NALF1: variants seen among roughly 807,000 people sequenced by gnomAD.
NALF1 encodes the protein family with sequence similarity 155 member A.
In NALF1, 3 loss-of-function variants were observed where a neutral mutation model predicts 48.4. The observed-to-expected ratio is 0.06, with a 90% CI of 0.03 to 0.16. NALF1 has a LOEUF of 0.16. NALF1 is among the 10% of genes least tolerant of loss of function. The pLI, the probability that NALF1 is intolerant of heterozygous loss-of-function variation, is 1.00. For missense variants in NALF1, 526 were observed against 571.5 expected, an observed-to-expected ratio of 0.92 and a Z score of 0.81; for synonymous variants, 262 against 245.7, an observed-to-expected ratio of 1.07 and a Z score of -0.62.
intron 1 of NALF1, among the ~76,000 whole-genome samples, chr13:107,603,490 A>G (rs1004879142): frequency 6.6e-6 from 1 of 152,214 alleles, no homozygotes; most frequent in Admixed American, 6.5e-5. Flanking sequence ...ACAGTCTAAA[A>G]TTAGTGATAC....
chr13:107,290,273 T>C (rs1346230677), intron 1 of NALF1, among the ~76,000 whole-genome samples: 1 of 152,058 alleles, frequency 6.6e-6, no homozygotes, highest in Non-Finnish European at 1.5e-5. Flanking sequence ...TGACAGTGAT[T>C]TTAGTAACCT....
chr13:107,625,380 A>G (rs1435661057), intron 1 of NALF1, among the ~76,000 whole-genome samples: 4 of 152,114 alleles, frequency 2.6e-5, no homozygotes, highest in Admixed American at 2.0e-4. Flanking sequence ...ACCTACTACA[A>G]ATTATTAGCT....
At chr13:107,599,308 G>T (rs1878852170) in intron 1 of NALF1, among the ~76,000 whole-genome samples, 1 of 151,938 alleles carries the variant, frequency 6.6e-6, no homozygotes, top group South Asian at 2.1e-4. Flanking sequence ...TGTAGTCCCA[G>T]CTACTCGGGA....
rs555098171 is a variant in NALF1, at chr13:107,553,061, A to G, written c.915+312621T>C. On this transcript the variant is annotated intron_variant, in intron 1 of 2. Transcript: ENST00000375915. ...AGGCTCAGCTCTCATAAATATAAAT[A>G]GATGAATCTTCAATATCATCAATAT... 1.4e-3 allele frequency among the ~76,000 whole-genome samples: 207 copies of G among 152,310 alleles called. 4 individuals carry two copies. The highest frequency in any genetic ancestry group is 4.6e-3 in the African/African-American group (192 of 41,574).
intron 1 of NALF1, among the ~76,000 whole-genome samples, chr13:107,655,291 T>C (rs1206840732): frequency 2.6e-5 from 4 of 151,968 alleles, no homozygotes; most frequent in African/African-American, 2.4e-5. Context: ...GGTAAATGAA[T>C]TCAGATTCAG....
intron 1 of NALF1, among the ~76,000 whole-genome samples, chr13:107,444,472 A>C (rs1884615602): frequency 6.6e-6 from 1 of 152,000 alleles, no homozygotes; most frequent in Non-Finnish European, 1.5e-5. Flanking sequence ...TTATTTTCTC[A>C]TATCTTAGTA....
At chr13:107,619,822 G>C (rs1351704205) in intron 1 of NALF1, among the ~76,000 whole-genome samples, 1 of 152,044 alleles carries the variant, frequency 6.6e-6, no homozygotes, top group Admixed American at 6.5e-5. Context: ...AGACCCTCAG[G>C]TAACCATGTC....
chr13:107,715,174 A>C (rs1460019706), intron 1 of NALF1, among the ~76,000 whole-genome samples: 2 of 151,862 alleles, frequency 1.3e-5, no homozygotes, highest in Non-Finnish European at 2.9e-5. Flanking sequence ...ATTGTAAAAT[A>C]TTTTTATAAT....
chr13:107,810,139 G>C (rs886550716), intron 1 of NALF1, among the ~76,000 whole-genome samples: 3 of 151,828 alleles, frequency 2.0e-5, no homozygotes, highest in Non-Finnish European at 4.4e-5. Context: ...GATCAAATTG[G>C]TTTCTTTTTC....
intron 1 of NALF1, among the ~76,000 whole-genome samples, chr13:107,672,347 A>G (rs533745467): frequency 6.8e-4 from 104 of 152,302 alleles, no homozygotes; most frequent in African/African-American, 2.5e-3. Context: ...AAACTGATGC[A>G]ACATGTATTG....
chr13:107,469,085 G>A (rs1885054282), intron 1 of NALF1, among the ~76,000 whole-genome samples: 2 of 151,872 alleles, frequency 1.3e-5, no homozygotes, highest in Admixed American at 6.6e-5. Context: ...TCTAAAATGA[G>A]CTTCAGAATT....
At chr13:107,296,598 A>G (rs1271914174) in intron 1 of NALF1, among the ~76,000 whole-genome samples, 2 of 152,164 alleles carry the variant, frequency 1.3e-5, no homozygotes, top group Non-Finnish European at 2.9e-5. Context: ...TATACTGAAG[A>G]AAATTTTAAG....
intron 1 of NALF1, among the ~76,000 whole-genome samples, chr13:107,780,081 G>A (rs1288436727): frequency 8.0e-6 from 1 of 125,586 alleles, no homozygotes; most frequent in Non-Finnish European, 1.7e-5. Flanking sequence ...CTGCGGTTTT[G>A]TTGTTGTGGT....
intron 1 of NALF1, among the ~76,000 whole-genome samples, chr13:107,338,625 T>A (rs926212763): frequency 6.6e-6 from 1 of 152,196 alleles, no homozygotes; most frequent in African/African-American, 2.4e-5. Context: ...CTCATGGGTC[T>A]GTTGTGAAGA....
At position 107,519,696 on chromosome 13, in the gene NALF1, G is replaced by A. The variant is rs181302558; in HGVS notation, c.916-308941C>T. On this transcript the variant is annotated intron_variant, in intron 1 of 2. Coordinates refer to ENST00000375915, the MANE Select transcript of NALF1 (RefSeq NM_001080396.3). Reference sequence around the variant, plus strand: ...AATATATAATATCAAAACATTAAATGAAATTAAATCTACCTGACCTAAAAT... The same window carrying A: ...AATATATAATATCAAAACATTAAATAAAATTAAATCTACCTGACCTAAAAT... Among the ~76,000 whole-genome samples the A allele has an allele frequency of 3.5e-3, 530 of 152,244 alleles. 4 individuals carry two copies. The highest frequency in any genetic ancestry group is 0.012 in the African/African-American group (509 of 41,544).
At chr13:107,465,911 T>C (rs1181028265) in intron 1 of NALF1, 2 of 152,358 alleles carry the variant, frequency 1.3e-5, no homozygotes, top group African/African-American at 4.8e-5. Context: ...TTCACATTCA[T>C]AAGGGCTCCA....
chr13:107,306,449 T>C (rs1881938084), intron 1 of NALF1, among the ~76,000 whole-genome samples: 1 of 152,174 alleles, frequency 6.6e-6, no homozygotes, highest in Admixed American at 6.5e-5. Flanking sequence ...TGATTTGGTA[T>C]TAATAATGAA....
rs570395194 is a variant in NALF1 at position 107,395,424 on chromosome 13, T to G, written c.916-184669A>C. On this transcript the variant is annotated intron_variant, in intron 1 of 2. Transcript: ENST00000375915. ...AAAAGACAAATGGCAAGCCTCCTAG[T>G]ACCTCTTCAGAGCTTCCCAGGAAGA... is the stretch of plus-strand genomic sequence containing the variant. Among the ~76,000 whole-genome samples, 5 of 152,276 alleles carry G rather than the reference T, an allele frequency of 3.3e-5. No individual in the cohort carries two copies. The South Asian group carries it at 1.0e-3, about 32-fold the overall frequency.
intron 1 of NALF1, among the ~76,000 whole-genome samples, chr13:107,559,221 A>G (rs1490885139): frequency 6.6e-6 from 1 of 152,138 alleles, no homozygotes; most frequent in East Asian, 1.9e-4. Context: ...AGTAGAGAAA[A>G]CTTCAGGGAG....
Sources: allele counts gnomAD v4.1 joint callset (sites outside exome capture counted in the v4.1 genomes callset), GRCh38; gene constraint gnomAD v4.1.1; transcripts MANE v1.5; gene names NCBI Gene and HGNC (gene_info 2026-07-23, HGNC 2026-07-21).